GRIK4: variants seen among roughly 807,000 people sequenced by gnomAD.
The protein encoded by GRIK4 is glutamate ionotropic receptor kainate type subunit 4.
A neutral mutation model predicts 104.9 loss-of-function variants in GRIK4; 40 were observed. The ratio of observed to expected loss-of-function variants is 0.38; its 90% CI spans 0.30 to 0.50. The LOEUF (loss-of-function observed/expected upper bound fraction) is 0.50, where lower values mean the gene tolerates loss of function less well. Among genes scored for constraint, GRIK4 ranks in the 20% least tolerant of loss-of-function variants. The probability of loss-of-function intolerance (pLI) is 0.93; values close to 1 mark genes in which losing one functional copy is unlikely to be tolerated. For synonymous variants in GRIK4, 485 were observed against 524.9 expected (o/e 0.92, Z 1.04); for missense variants, 1,047 against 1,308.1 (o/e 0.80, Z 3.08).
chr11:120,934,034 C>G (rs1465528419), intron 13 of GRIK4, among the ~76,000 whole-genome samples: 2 of 152,012 alleles, frequency 1.3e-5, no homozygotes, highest in Non-Finnish European at 2.9e-5. Context: ...GAAACCCCAT[C>G]TCTACTAAAA....
intron 14 of GRIK4, among the ~76,000 whole-genome samples, chr11:120,945,642 G>A (rs1391762638): frequency 6.6e-6 from 1 of 152,232 alleles, no homozygotes; most frequent in Non-Finnish European, 1.5e-5. Context: ...AGCAGGACAA[G>A]TGACCCAAAT....
chr11:120,974,569 C>T (rs1240913944), intron 19 of GRIK4, among the ~76,000 whole-genome samples: 2 of 152,222 alleles, frequency 1.3e-5, no homozygotes, highest in Non-Finnish European at 2.9e-5. Flanking sequence ...GGAACTGGTG[C>T]TTACCCCACT....
intron 13 of GRIK4, among the ~76,000 whole-genome samples, chr11:120,935,207 C>A (rs1020908816): frequency 1.3e-5 from 2 of 152,172 alleles, no homozygotes; most frequent in Non-Finnish European, 2.9e-5. Context: ...GTTGAGGACA[C>A]TATTCCAGAC....
At chr11:120,743,235 A>G (rs1036510902) in intron 3 of GRIK4, among the ~76,000 whole-genome samples, 2 of 147,592 alleles carry the variant, frequency 1.4e-5, no homozygotes, top group African/African-American at 2.5e-5. Context: ...GTCTCAGAGA[A>G]AAAAAAAAAA....
chr11:120,969,290 A>G (rs1419115200), intron 19 of GRIK4, among the ~76,000 whole-genome samples: 4 of 152,168 alleles, frequency 2.6e-5, no homozygotes, highest in Non-Finnish European at 5.9e-5. Context: ...GATGCAGAAA[A>G]AAGTGTCAAG....
At chr11:120,976,595 G>A (rs1308411643) in intron 19 of GRIK4, among the ~76,000 whole-genome samples, 1 of 152,202 alleles carries the variant, frequency 6.6e-6, no homozygotes, top group East Asian at 1.9e-4. Context: ...AAGAATCCAT[G>A]TTCTTGTCCA....
chr11:120,747,728 T>C (rs1951469675), intron 3 of GRIK4, among the ~76,000 whole-genome samples: 1 of 152,254 alleles, frequency 6.6e-6, no homozygotes, highest in African/African-American at 2.4e-5. Flanking sequence ...ATATTTTTGG[T>C]ATTGTGGTTA....
intron 14 of GRIK4, among the ~76,000 whole-genome samples, chr11:120,949,809 A>G (rs910133788): frequency 3.3e-5 from 5 of 152,332 alleles, no homozygotes; most frequent in African/African-American, 9.6e-5. Flanking sequence ...GCCATTGCCA[A>G]TGATTTGAGC....
chr11:120,577,462 G>A (rs1261880043), intron 1 of GRIK4, among the ~76,000 whole-genome samples: 2 of 152,050 alleles, frequency 1.3e-5, no homozygotes, highest in Admixed American at 6.6e-5. Flanking sequence ...ACACCATCTC[G>A]GGGGGTTCGT....
intron 3 of GRIK4, among the ~76,000 whole-genome samples, chr11:120,792,046 A>T (rs1204915916): frequency 6.6e-6 from 1 of 152,196 alleles, no homozygotes; most frequent in Admixed American, 6.5e-5. Context: ...TGAAGACTAG[A>T]TGAATGATGG....
chr11:120,896,062 G>A lies in GRIK4; in HGVS notation c.1165-2470G>A, dbSNP rs184035962. Among the ~76,000 whole-genome samples the A allele has an allele frequency of 4.8e-3, 728 of 152,296 alleles. 7 individuals are homozygous for A. Among genetic ancestry groups the A allele is most frequent in the African/African-American group, 0.016 (675 of 41,566 alleles). On this transcript the variant is annotated intron_variant, in intron 11 of 20. Transcript: ENST00000527524. The stretch of plus-strand genomic sequence containing the variant: ...TGCTGATAGACAATGGTTTTCCCTC[G>A]CTTCCAAAGCCAGGCCCAGAGCAAG...
chr11:120,798,983 A>G (rs1952574490), intron 3 of GRIK4, among the ~76,000 whole-genome samples: 1 of 152,142 alleles, frequency 6.6e-6, no homozygotes, highest in Admixed American at 6.5e-5. Flanking sequence ...GATAGGTGGG[A>G]CTGCTGGCTC....
At chr11:120,784,673 C>T (rs146494941) in intron 3 of GRIK4, among the ~76,000 whole-genome samples, 33 of 152,196 alleles carry the variant, frequency 2.2e-4, no homozygotes, top group African/African-American at 5.8e-4. Flanking sequence ...GGTCAGAAGA[C>T]AGCATGGAGT....
In GRIK4 at chr11:120,952,358, G is replaced by T. The variant is rs1451808684; in HGVS notation, c.1591-497G>T. Among the ~76,000 whole-genome samples, 1 of 152,184 alleles carries T rather than the reference G, an allele frequency of 6.6e-6. No homozygotes were observed. The highest frequency in any genetic ancestry group is 2.4e-5 in the African/African-American group (1 of 41,424). On this transcript the variant is annotated intron_variant, in intron 14 of 20. Coordinates refer to ENST00000527524, the MANE Select transcript of GRIK4 (RefSeq NM_014619.5). The surrounding 1 kb of genome is among the most constrained non-coding windows in gnomAD (Gnocchi z 5.2). Reference sequence around the variant, plus strand: ...TTTGTGCCTCCCAGGACTGTTTTGAGGTTGACGGGGGAAGGTCTCACTGTG... The same window carrying T: ...TTTGTGCCTCCCAGGACTGTTTTGATGTTGACGGGGGAAGGTCTCACTGTG...
chr11:120,639,084 C>T (rs1203578690), intron 1 of GRIK4, among the ~76,000 whole-genome samples: 1 of 151,900 alleles, frequency 6.6e-6, no homozygotes, highest in African/African-American at 2.4e-5. Context: ...TGTAATCGCC[C>T]ACTCAGGAGT....
chr11:120,588,398 A>C (rs966915808), intron 1 of GRIK4, among the ~76,000 whole-genome samples: 2 of 152,204 alleles, frequency 1.3e-5, no homozygotes, highest in Admixed American at 1.3e-4. Context: ...CTGTTCAGGC[A>C]TAGAGGGAAC....
chr11:120,874,698 T>G (rs894670922), intron 10 of GRIK4, among the ~76,000 whole-genome samples: 1 of 152,182 alleles, frequency 6.6e-6, no homozygotes, highest in Admixed American at 6.5e-5. Context: ...AAGACTTCTG[T>G]CAGAGAAGCC....
Position 120,819,661 on chromosome 11 carries a change from A to T in GRIK4, c.346-94A>T. Reference sequence around the variant, plus strand: ...TCTGGCGAAGGTGTTACATAAAAGAACTCACCCTCCACAACCTCAGCTCAC... The same window carrying T: ...TCTGGCGAAGGTGTTACATAAAAGATCTCACCCTCCACAACCTCAGCTCAC... On this transcript the variant is annotated intron_variant, in intron 5 of 20. Coordinates refer to ENST00000527524, the MANE Select transcript of GRIK4 (RefSeq NM_014619.5). This position sits in a 1 kb window ranked among gnomAD's most constrained non-coding sequence, Gnocchi z 4.3. 8.5e-7 allele frequency: 1 copy of T among 1,174,120 alleles called. No homozygotes were observed. Among genetic ancestry groups the T allele is most frequent in the Non-Finnish European group, 1.3e-6 (1 of 794,558 alleles). The allele number at this position is 1,174,120 out of a possible 1,614,324, so 72.7% of individuals were successfully genotyped here. A position where few individuals can be genotyped will look rare whatever the true frequency, so the allele number is the denominator to read the frequency against.
chr11:120,781,510 C>G (rs1395162959), intron 3 of GRIK4, among the ~76,000 whole-genome samples: 1 of 152,110 alleles, frequency 6.6e-6, no homozygotes, highest in Admixed American at 6.5e-5. Context: ...GCCACCATGC[C>G]CAGCTAACTT....
Sources: gnomAD v4.1 joint callset for allele counts (sites outside exome capture counted in the v4.1 genomes callset) on GRCh38, gnomAD v4.1.1 for gene constraint, Gnocchi (gnomAD v3.1) non-coding constraint, MANE v1.5 for transcripts, NCBI Gene and HGNC (gene_info 2026-07-23, HGNC 2026-07-21) for gene names.